The following BLZF1 variants were observed in gnomAD, a reference collection of about 807,000 sequenced individuals.
The protein encoded by BLZF1 is basic leucine zipper nuclear factor 1.
Under a neutral mutation model 43.8 loss-of-function variants are expected in BLZF1, and 39 were observed. The ratio of observed to expected loss-of-function variants is 0.89; its 90% confidence interval spans 0.69 to 1.16. The LOEUF is 1.16. BLZF1 is among the 50% of genes most tolerant of loss of function. The pLI is 0.00. For synonymous variants in BLZF1, 136 were observed against 159.4 expected (o/e 0.85, Z 1.11); for missense variants, 449 against 469.8 (o/e 0.96, Z 0.41).
rs969157009 is a variant in BLZF1 at position 169,376,520 on chromosome 1, T to C, written c.29-20T>C. The stretch of plus-strand genomic sequence containing the variant: ...ATTTCTTCTTGGTAAGTAGTTTCTG[T>C]TTTGTTTCCTTTTTGTTAGTCACCG... On this transcript the variant is annotated intron_variant, in intron 2 of 6. Coordinates refer to ENST00000367808, the MANE Select transcript of BLZF1 (RefSeq NM_001320973.2). 1 of 1,564,158 alleles carries C rather than the reference T, an allele frequency of 6.4e-7. No homozygotes were observed. The highest frequency in any genetic ancestry group is 2.3e-5 in the East Asian group (1 of 44,434).
At chr1:169,386,703 T>G (rs1328942054) in intron 6 of BLZF1, among the ~76,000 whole-genome samples, 1 of 148,232 alleles carries the variant, frequency 6.7e-6, no homozygotes, top group Non-Finnish European at 1.5e-5. Context: ...AAAGACATAA[T>G]GATATAACCT....
Position 169,387,117 on chromosome 1 carries a change from A to G in BLZF1, c.1138A>G (p.Thr380Ala), listed in dbSNP as rs764427263. 41 of 1,613,420 alleles carry G rather than the reference A, an allele frequency of 2.5e-5. No individual in the cohort carries two copies. The highest frequency in any genetic ancestry group is 3.4e-5 in the Non-Finnish European group (40 of 1,179,726). ...KKNIGRFHPY[T>A]RYENITFNCC... is the part of the protein sequence containing the mutation. ...AAATATTGGACGATTTCATCCCTAT[A>G]CTAGATATGAAAATATAACTTTCAA... is the stretch of plus-strand genomic sequence containing the variant. The change falls in exon 7 of 7, where the codon ACT (threonine) becomes GCT (alanine). Residue 380 changes from threonine to alanine, a missense_variant. Transcript: ENST00000367808.
At position 169,387,359 on chromosome 1, in the gene BLZF1, C is replaced by A; in HGVS notation, c.*177C>A. The stretch of plus-strand genomic sequence containing the variant: ...GATTACCCTTTCTTAATAAATATCT[C>A]AGGGTAAGGAAAGAAAGAAACTGTA... On this transcript the variant is annotated 3_prime_UTR_variant, in exon 7 of 7. Coordinates refer to ENST00000367808, the MANE Select transcript of BLZF1 (RefSeq NM_001320973.2). The A allele has an allele frequency of 3.7e-6, 2 of 541,550 alleles. No homozygotes were observed. The highest frequency in any genetic ancestry group is 7.8e-5 in the Admixed American group (2 of 25,584). The allele number at this position is 541,550 out of a possible 1,614,324, so 33.5% of individuals were successfully genotyped here.
intron 4 of BLZF1, 28 bp downstream of exon 4, chr1:169,378,557 C>T (rs777615956): frequency 3.7e-6 from 6 of 1,601,632 alleles, no homozygotes; most frequent in Admixed American, 1.7e-5. Flanking sequence ...TAGTATTTCA[C>T]TTCCTAGTTT....
At chr1:169,376,371 C>T (rs1225159363) in intron 2 of BLZF1, among the ~76,000 whole-genome samples, 169 bp from the exon 3 acceptor site, 2 of 152,012 alleles carry the variant, frequency 1.3e-5, no homozygotes, top group African/African-American at 4.8e-5. Flanking sequence ...AAAGTTTAAA[C>T]ATGTATCTTT....
intron 5 of BLZF1, 47 bp from the exon 6 acceptor site, chr1:169,382,015 C>T (rs1654540349): frequency 1.4e-6 from 2 of 1,381,800 alleles, no homozygotes; most frequent in Non-Finnish European, 2.0e-6. Flanking sequence ...TTAATTTTTA[C>T]ATTTTGCTCT....
At chr1:169,386,678 C>CAAAA (rs11420632) in intron 6 of BLZF1, among the ~76,000 whole-genome samples, 2 of 107,624 alleles carry the variant, frequency 1.9e-5, no homozygotes, top group South Asian at 3.4e-4. Context: ...GACTCCATCT[C>CAAAA]AAAAAAAAAA....
intron 7 of BLZF1, chr1:169,394,997 T>C: frequency 6.7e-7 from 1 of 1,488,294 alleles, no homozygotes; most frequent in Middle Eastern, 2.2e-4. Flanking sequence ...TAAGAAATCA[T>C]ATCCAAAATT....
At position 169,388,109 on chromosome 1, in the gene BLZF1, T is replaced by C. The variant is rs552204069; in HGVS notation, c.*927T>C. ...TATGATTAGCCATCATAAATGCCCATTGCTTGGCCTTTAAGAATAATCACA... is the reference window on the plus strand; with the variant it reads ...TATGATTAGCCATCATAAATGCCCACTGCTTGGCCTTTAAGAATAATCACA... On this transcript the variant is annotated 3_prime_UTR_variant, in exon 7 of 7. Transcript: ENST00000367808. The C allele has an allele frequency of 6.6e-6, 1 of 152,204 alleles. No individual in the cohort carries two copies. The highest frequency in any genetic ancestry group is 1.5e-5 in the Non-Finnish European group (1 of 68,022). The allele number at this position is 152,204 out of a possible 1,614,324, so 9.4% of individuals were successfully genotyped here. A position where few individuals can be genotyped will look rare whatever the true frequency, so the allele number is the denominator to read the frequency against.
intron 3 of BLZF1, 33 bp from the exon 4 acceptor site, chr1:169,378,297 T>G: frequency 1.6e-4 from 246 of 1,583,194 alleles, no homozygotes; most frequent in Non-Finnish European, 2.0e-4. Context: ...GATATTACTT[T>G]GAGCTTGTTG....
intron 6 of BLZF1, among the ~76,000 whole-genome samples, chr1:169,386,453 G>A (rs758383640): frequency 6.6e-6 from 1 of 152,046 alleles, no homozygotes; most frequent in Non-Finnish European, 1.5e-5. Flanking sequence ...GCCGAGGCAG[G>A]CAGATCACAA....
chr1:169,386,902 G>T (rs1654689132), intron 6 of BLZF1, 95 bp from the exon 7 acceptor site: 1 of 810,444 alleles, frequency 1.2e-6, no homozygotes, highest in Non-Finnish European at 1.9e-6. Flanking sequence ...ATATATTAAT[G>T]AAGTGAAACT....
intron 7 of BLZF1, among the ~76,000 whole-genome samples, chr1:169,394,006 T>C (rs1417499481): frequency 1.3e-5 from 2 of 152,208 alleles, no homozygotes; most frequent in Non-Finnish European, 2.9e-5. Context: ...TGCTCTTACA[T>C]GTATCAGAAG....
intron 1 of BLZF1, among the ~76,000 whole-genome samples, chr1:169,368,876 A>G (rs1180479905): frequency 6.6e-6 from 1 of 151,990 alleles, no homozygotes; most frequent in Non-Finnish European, 1.5e-5. Flanking sequence ...TCACCTTCTT[A>G]TATGTTCTCT....
intron 2 of BLZF1, among the ~76,000 whole-genome samples, chr1:169,373,871 T>C (rs1654208640): frequency 6.6e-6 from 1 of 152,172 alleles, no homozygotes; most frequent in Non-Finnish European, 1.5e-5. Flanking sequence ...TATTTGACCA[T>C]AATGGAAGTA....
chr1:169,369,303 A>G (rs962326500), intron 1 of BLZF1, among the ~76,000 whole-genome samples, 170 bp from the exon 2 acceptor site: 1 of 150,722 alleles, frequency 6.6e-6, no homozygotes, highest in African/African-American at 2.4e-5. Context: ...TGAGACTTTT[A>G]GTAGACATAA....
intron 7 of BLZF1, chr1:169,395,214 A>G (rs745430342): frequency 6.2e-7 from 1 of 1,608,136 alleles, no homozygotes; most frequent in South Asian, 1.1e-5. Flanking sequence ...CATCTGTAGA[A>G]ACAGGCATGA....
At chr1:169,379,234 G>A (rs146132709) in intron 4 of BLZF1, among the ~76,000 whole-genome samples, 204 of 152,054 alleles carry the variant, frequency 1.3e-3, no homozygotes, top group Middle Eastern at 3.4e-3. Context: ...GAATCATCTG[G>A]AGATTTCTCA....
In BLZF1 at chr1:169,394,787, TAATAA is replaced by T. The variant is rs561670039; in HGVS notation, c.*28-1101_*28-1097del. On this transcript the variant is annotated intron_variant, in intron 7 of 7. Coordinates refer to the BLZF1 transcript ENST00000329281. ...TTCTTGTGTTTTCTCCTAGAAACGTTAATAAAATAATTTAGAAGTAGAAGGACATA... is the reference window on the plus strand; with the variant it reads ...TTCTTGTGTTTTCTCCTAGAAACGTTAATAATTTAGAAGTAGAAGGACATA... 3 of 265,318 alleles carry T rather than the reference TAATAA, an allele frequency of 1.1e-5. No individual in the cohort carries two copies. In the East Asian group the frequency reaches 2.1e-4, roughly 18 times the overall value. The allele number at this position is 265,318 out of a possible 1,614,324, so 16.4% of individuals were successfully genotyped here.
Sources: allele counts gnomAD v4.1 joint callset (sites outside exome capture counted in the v4.1 genomes callset), GRCh38; gene constraint gnomAD v4.1.1; transcripts MANE v1.5; gene names NCBI Gene and HGNC (gene_info 2026-07-23, HGNC 2026-07-21).